Variants in PALLD observed in about 807,000 individuals in gnomAD.
PALLD encodes palladin, cytoskeletal associated protein.
PALLD carries 61 observed loss-of-function variants against 123.5 expected under a neutral mutation model. That is an observed-to-expected ratio of 0.49 (90% CI 0.40 to 0.61). The LOEUF (loss-of-function observed/expected upper bound fraction) is 0.61, where lower values mean the gene tolerates loss of function less well. PALLD is among the 20% of genes least tolerant of loss of function. PALLD has a pLI of 0.00. For synonymous variants in PALLD, 465 were observed against 496.4 expected (o/e 0.94, Z 0.84); for missense variants, 1,273 against 1,377.0 (o/e 0.92, Z 1.20).
chr4:168,916,054 C>T (rs1195122036), intron 17 of PALLD, 27 bp downstream of exon 17: 1 of 1,603,638 alleles, frequency 6.2e-7, no homozygotes, highest in East Asian at 2.2e-5. Flanking sequence ...GCTTGCATAT[C>T]CTATTGCCCC....
At chr4:168,654,238 C>A (rs1016592358) in intron 2 of PALLD, among the ~76,000 whole-genome samples, 5 of 152,158 alleles carry the variant, frequency 3.3e-5, no homozygotes, top group African/African-American at 1.2e-4. Context: ...TCTTCCCCAC[C>A]ACACCATGTA....
chr4:168,512,460 T>C (rs762913838), intron 2 of PALLD, 48 bp downstream of exon 2: 1 of 1,521,892 alleles, frequency 6.6e-7, no homozygotes, highest in Non-Finnish European at 9.1e-7. Flanking sequence ...TTGACTTTGG[T>C]GTTACTTTAA....
intron 10 of PALLD, among the ~76,000 whole-genome samples, chr4:168,820,714 A>G (rs140047677): frequency 3.9e-4 from 59 of 152,184 alleles, no homozygotes; most frequent in African/African-American, 1.3e-3. Flanking sequence ...TCTCTTGACT[A>G]TGACCAAAGG....
chr4:168,558,413 T>C (rs993646116), intron 2 of PALLD, among the ~76,000 whole-genome samples: 1 of 152,178 alleles, frequency 6.6e-6, no homozygotes, highest in Non-Finnish European at 1.5e-5. Flanking sequence ...AAGGAAGGCA[T>C]TTCAAAGCGG....
intron 14 of PALLD, among the ~76,000 whole-genome samples, chr4:168,902,924 AC>A (rs1461992445): frequency 6.6e-6 from 1 of 151,998 alleles, no homozygotes; most frequent in Non-Finnish European, 1.5e-5. Flanking sequence ...GACATGCACC[AC>A]CACACCCAGA....
chr4:168,516,003 C>A (rs970828945), intron 2 of PALLD, among the ~76,000 whole-genome samples: 1 of 152,184 alleles, frequency 6.6e-6, no homozygotes, highest in African/African-American at 2.4e-5. Context: ...CAAGGCAAGG[C>A]ATTTGTACTT....
chr4:168,499,081 TAAGA>T (rs1332920063), intron 1 of PALLD, among the ~76,000 whole-genome samples: 1 of 142,798 alleles, frequency 7.0e-6, no homozygotes, highest in African/African-American at 2.6e-5. Context: ...GTGTATTTAT[TAAGA>T]AATAAATTAT....
chr4:168,704,664 C>CAAA (rs35183478), intron 8 of PALLD, among the ~76,000 whole-genome samples: 3 of 81,392 alleles, frequency 3.7e-5, no homozygotes, highest in Admixed American at 1.3e-4. Flanking sequence ...GACTCTGTCT[C>CAAA]AAAAAAAAAA....
At chr4:168,923,061 A>G (rs941973438) in intron 18 of PALLD, among the ~76,000 whole-genome samples, 7 of 152,270 alleles carry the variant, frequency 4.6e-5, no homozygotes, top group African/African-American at 1.7e-4. Context: ...GAAGCTCTGC[A>G]TAACTAGTAC....
chr4:168,712,091 T>C (rs1581102427), intron 10 of PALLD, 168 bp downstream of exon 10: 1 of 649,860 alleles, frequency 1.5e-6, no homozygotes. Context: ...CACCTAAAAA[T>C]AAAGAAGGGA....
intron 2 of PALLD, among the ~76,000 whole-genome samples, chr4:168,611,595 T>A (rs1389339338): frequency 5.3e-5 from 8 of 152,194 alleles, no homozygotes; most frequent in Admixed American, 3.3e-4. Context: ...AAAACTGAGG[T>A]CCTTGAAGAC....
intron 2 of PALLD, among the ~76,000 whole-genome samples, chr4:168,526,588 C>T (rs1463094422): frequency 1.3e-5 from 2 of 152,054 alleles, no homozygotes; most frequent in African/African-American, 4.8e-5. Context: ...TCAGGTAGGT[C>T]TACAGAAACA....
intron 10 of PALLD, among the ~76,000 whole-genome samples, chr4:168,728,862 C>A (rs1786861259): frequency 6.6e-6 from 1 of 152,192 alleles, no homozygotes; most frequent in African/African-American, 2.4e-5. Context: ...CCTCCTCCCA[C>A]TCTTCCCCCC....
intron 3 of PALLD, among the ~76,000 whole-genome samples, chr4:168,678,499 G>A (rs1434723835): frequency 6.6e-6 from 1 of 152,160 alleles, no homozygotes; most frequent in Non-Finnish European, 1.5e-5. Flanking sequence ...TGGGCTGACC[G>A]TGGAAGATAG....
intron 2 of PALLD, among the ~76,000 whole-genome samples, chr4:168,546,052 G>A (rs1410982664): frequency 1.3e-5 from 2 of 152,164 alleles, no homozygotes; most frequent in Admixed American, 1.3e-4. Context: ...AAGAAATTTA[G>A]GGGTAGCTCT....
intron 3 of PALLD, among the ~76,000 whole-genome samples, chr4:168,677,414 G>A (rs1357643673): frequency 6.6e-6 from 1 of 152,126 alleles, no homozygotes; most frequent in African/African-American, 2.4e-5. Flanking sequence ...GTTTATTCAG[G>A]GGGCCCCAGC....
chr4:168,896,364 T>C (rs902895849), intron 12 of PALLD, among the ~76,000 whole-genome samples, 185 bp from the exon 13 acceptor site: 1 of 152,196 alleles, frequency 6.6e-6, no homozygotes. Context: ...ATTGAATATC[T>C]CATGTGATTT....
intron 1 of PALLD, among the ~76,000 whole-genome samples, chr4:168,505,476 A>G (rs1761912127): frequency 6.6e-6 from 1 of 152,250 alleles, no homozygotes; most frequent in South Asian, 2.1e-4. Flanking sequence ...TTCATTTGGA[A>G]CTAAAAAGCA....
intron 2 of PALLD, among the ~76,000 whole-genome samples, chr4:168,621,872 TC>T (rs1178009927): frequency 6.6e-6 from 1 of 152,142 alleles, no homozygotes; most frequent in Non-Finnish European, 1.5e-5. Context: ...GCTGTGTAAA[TC>T]TACCGTAAAA....
Sources: allele counts gnomAD v4.1 joint callset (sites outside exome capture counted in the v4.1 genomes callset), GRCh38; gene constraint gnomAD v4.1.1; transcripts MANE v1.5; gene names NCBI Gene and HGNC (gene_info 2026-07-23, HGNC 2026-07-21).